BCAS3: variants seen among roughly 807,000 people sequenced by gnomAD.
The protein encoded by BCAS3 is BCAS4/BCAS3 fusion.
BCAS3 carries 53 observed loss-of-function variants against 116.1 expected under a neutral mutation model. The observed-to-expected ratio is 0.46, with a 90% CI of 0.37 to 0.57. The LOEUF is 0.57. BCAS3 is among the 20% of genes least tolerant of loss of function. The probability of loss-of-function intolerance (pLI) is 0.00; values close to 1 mark genes in which losing one functional copy is unlikely to be tolerated. For synonymous variants in BCAS3, 391 were observed against 408.2 expected (o/e 0.96, Z 0.51); for missense variants, 917 against 1,165.4 (o/e 0.79, Z 3.10).
At chr17:60,689,375 C>T (rs183978656) in intron 3 of BCAS3, among the ~76,000 whole-genome samples, 6 of 152,270 alleles carry the variant, frequency 3.9e-5, no homozygotes, top group Non-Finnish European at 8.8e-5. Context: ...AGAGTTTCGC[C>T]ATGTTGGCCA....
Position 61,189,154 on chromosome 17 carries a change from A to G in BCAS3, c.2425+104590A>G, listed in dbSNP as rs1358917855. Among the ~76,000 whole-genome samples the G allele has an allele frequency of 1.3e-5, 2 of 152,176 alleles. No individual in the cohort carries two copies. Among genetic ancestry groups the G allele is most frequent in the Admixed American group, 6.6e-5 (1 of 15,266 alleles). ...GAGAGAGAGAGAACAGCACACTTCA[A>G]AGGGTATGGTCTTTGTTGCTATGCT... On this transcript the variant is annotated intron_variant, in intron 22 of 23. Transcript: ENST00000407086. This position sits in a 1 kb window ranked among gnomAD's most constrained non-coding sequence, Gnocchi z 4.5.
intron 12 of BCAS3, among the ~76,000 whole-genome samples, chr17:60,912,985 G>T (rs1413965504): frequency 6.6e-6 from 1 of 152,022 alleles, no homozygotes; most frequent in South Asian, 2.1e-4. Flanking sequence ...GAAGTATGGG[G>T]ACATATAATT....
intron 22 of BCAS3, among the ~76,000 whole-genome samples, chr17:61,266,617 G>C (rs1315724994): frequency 6.6e-6 from 1 of 152,144 alleles, no homozygotes; most frequent in Non-Finnish European, 1.5e-5. Flanking sequence ...GGTTTACCAA[G>C]CTGACCTTAC....
intron 22 of BCAS3, among the ~76,000 whole-genome samples, chr17:61,138,438 T>C (rs1310607352): frequency 6.6e-6 from 1 of 152,228 alleles, no homozygotes; most frequent in Non-Finnish European, 1.5e-5. Context: ...CAGAGATTAC[T>C]GTTGTACCTT....
At chr17:60,976,869 CTCTT>C (rs1355774558) in intron 14 of BCAS3, among the ~76,000 whole-genome samples, 2 of 152,208 alleles carry the variant, frequency 1.3e-5, no homozygotes, top group Admixed American at 6.5e-5. Context: ...AATCTGATCT[CTCTT>C]TCTTTTCCCC....
intron 22 of BCAS3, among the ~76,000 whole-genome samples, chr17:61,240,275 A>T (rs559319436): frequency 3.9e-5 from 6 of 152,348 alleles, no homozygotes; most frequent in African/African-American, 1.2e-4. Flanking sequence ...CTAAGAGAAG[A>T]TAAGTGGTAG....
intron 19 of BCAS3, among the ~76,000 whole-genome samples, chr17:61,067,273 GTA>G (rs1199603635): frequency 0.22 from 13,022 of 58,538 alleles, 1,037 homozygotes; most frequent in East Asian, 0.33. Flanking sequence ...GTGTGTATGT[GTA>G]TATATATATA....
intron 15 of BCAS3, among the ~76,000 whole-genome samples, chr17:60,999,914 G>A (rs571856592): frequency 6.6e-6 from 1 of 151,886 alleles, no homozygotes; most frequent in Non-Finnish European, 1.5e-5. Flanking sequence ...TTTTTTTGTG[G>A]CTTTTCTTAA....
At chr17:61,254,713 G>A (rs1482298245) in intron 22 of BCAS3, among the ~76,000 whole-genome samples, 2 of 144,408 alleles carry the variant, frequency 1.4e-5, no homozygotes, top group African/African-American at 2.6e-5. Flanking sequence ...GGAGGTGGAG[G>A]TTGCAGTGAG....
chr17:60,903,968 T>C (rs2058057847), intron 11 of BCAS3, among the ~76,000 whole-genome samples: 1 of 152,234 alleles, frequency 6.6e-6, no homozygotes, highest in African/African-American at 2.4e-5. Flanking sequence ...TTTTCAGTAA[T>C]TTTTAGTTAT....
intron 13 of BCAS3, among the ~76,000 whole-genome samples, chr17:60,933,865 G>A (rs964603553): frequency 6.6e-6 from 1 of 152,134 alleles, no homozygotes; most frequent in African/African-American, 2.4e-5. Context: ...CATTAGAAGA[G>A]GATGTTTCCA....
intron 3 of BCAS3, 57 bp downstream of exon 3, chr17:60,684,093 TTGG>T (rs2033666291): frequency 5.2e-6 from 8 of 1,543,976 alleles, no homozygotes; most frequent in Middle Eastern, 1.7e-4. Context: ...TCTGAAATGT[TTGG>T]TTTCCTAAAC....
chr17:60,921,009 T>G (rs1402861803), intron 12 of BCAS3, among the ~76,000 whole-genome samples: 1 of 152,216 alleles, frequency 6.6e-6, no homozygotes, highest in African/African-American at 2.4e-5. Flanking sequence ...GAAAGCAGTT[T>G]GGAGACTTCT....
At chr17:60,968,196 G>T (rs1202261807) in intron 14 of BCAS3, among the ~76,000 whole-genome samples, 3 of 151,734 alleles carry the variant, frequency 2.0e-5, no homozygotes, top group African/African-American at 7.3e-5. Context: ...TGATTTTATT[G>T]GGTATATTTT....
At chr17:60,998,031 G>T (rs983941530) in intron 15 of BCAS3, among the ~76,000 whole-genome samples, 15 of 151,936 alleles carry the variant, frequency 9.9e-5, no homozygotes, top group Non-Finnish European at 1.6e-4. Context: ...AATGTCTATT[G>T]TTCCCATCTT....
rs949008623 is a variant in BCAS3 at position 61,392,206 on chromosome 17, A to G, written c.*81A>G. 82 of 1,477,616 alleles carry G rather than the reference A, an allele frequency of 5.5e-5. 1 individual carries two copies. In the African/African-American group the frequency reaches 7.8e-4, roughly 14 times the overall value. The allele number at this position is 1,477,616 out of a possible 1,614,324, so 91.5% of individuals were successfully genotyped here. A position where few individuals can be genotyped will look rare whatever the true frequency, so the allele number is the denominator to read the frequency against. Reference sequence around the variant, plus strand: ...AAGCCCCGCTCTGGTCCTACCCTTCAGTCTCTGCTCTTCCTTCATCAACCA... The same window carrying G: ...AAGCCCCGCTCTGGTCCTACCCTTCGGTCTCTGCTCTTCCTTCATCAACCA... On this transcript the variant is annotated 3_prime_UTR_variant, in exon 24 of 24. Transcript: ENST00000407086. This position sits in a 1 kb window ranked among gnomAD's most constrained non-coding sequence, Gnocchi z 6.4.
Position 61,078,358 on chromosome 17 carries a change from C to T in BCAS3, c.2156C>T (p.Pro719Leu), listed in dbSNP as rs1169648832. The change falls in exon 21 of 24, where the codon CCC (proline) becomes CTC (leucine). Residue 719 changes from proline to leucine, a missense_variant. By Grantham distance (98) the Pro-to-Leu change is moderately conservative. Around this residue, in one of 3 missense-constraint regions of BCAS3, gnomAD observed 807 missense variants for 1,026.0 expected, o/e 0.79. Transcript: ENST00000407086. ...GTTGAAATTGTAACACACACTGGAC[C>T]CCATAGACGTCTGTGGATGGGTCCA... Reference protein sequence around the residue: ...SQVEIVTHTGPHRRLWMGPQF... With the variant: ...SQVEIVTHTGLHRRLWMGPQF... 1.2e-6 allele frequency: 2 copies of T among 1,613,322 alleles called. No homozygotes were observed. Among genetic ancestry groups the T allele is most frequent in the African/African-American group, 1.3e-5 (1 of 74,868 alleles).
At position 61,309,888 on chromosome 17, in the gene BCAS3, A is replaced by C. The variant is rs1176833204; in HGVS notation, c.2426-58439A>C. Among the ~76,000 whole-genome samples the C allele has an allele frequency of 6.6e-6, 1 of 152,204 alleles. No homozygotes were observed. The highest frequency in any genetic ancestry group is 1.5e-5 in the Non-Finnish European group (1 of 68,036). ...TGTTTAAGGAAGCCATGAACTAGCAAATGTAGTTAAAAGATGAAGGGGGAA... is the reference window on the plus strand; with the variant it reads ...TGTTTAAGGAAGCCATGAACTAGCACATGTAGTTAAAAGATGAAGGGGGAA... On this transcript the variant is annotated intron_variant, in intron 22 of 23. Transcript: ENST00000407086. The surrounding 1 kb of genome is among the most constrained non-coding windows in gnomAD (Gnocchi z 4.6).
At chr17:60,983,086 G>T (rs1002592809) in intron 14 of BCAS3, among the ~76,000 whole-genome samples, 1 of 152,158 alleles carries the variant, frequency 6.6e-6, no homozygotes, top group Non-Finnish European at 1.5e-5. Context: ...GGTTTGAATA[G>T]TGAGTGGTAC....
Sources: allele counts gnomAD v4.1 joint callset (sites outside exome capture counted in the v4.1 genomes callset), GRCh38; gene constraint gnomAD v4.1.1; regional missense constraint gnomAD v4.1.1; non-coding constraint Gnocchi (gnomAD v3.1); transcripts MANE v1.5; gene names NCBI Gene and HGNC (gene_info 2026-07-23, HGNC 2026-07-21).